The following ADCY10 variants were observed in gnomAD, a reference collection of about 807,000 sequenced individuals.
ADCY10 encodes adenylate cyclase 10.
ADCY10 carries 156 observed loss-of-function variants against 183.3 expected under a neutral mutation model. That is an observed-to-expected ratio of 0.85 (90% CI 0.75 to 0.97). The LOEUF is 0.97. ADCY10 is among the 50% of genes least tolerant of loss of function. The pLI, the probability that ADCY10 is intolerant of heterozygous loss-of-function variation, is 0.00. For synonymous variants in ADCY10, 645 were observed against 670.0 expected, an observed-to-expected ratio of 0.96 and a Z score of 0.58; for missense variants, 1,745 against 1,934.3, an observed-to-expected ratio of 0.90 and a Z score of 1.84.
intron 1 of ADCY10, 35 bp downstream of exon 1, chr1:167,913,941 T>C (rs891164770): frequency 4.6e-5 from 7 of 152,278 alleles, no homozygotes; most frequent in Non-Finnish European, 2.9e-5. Context: ...AGCTCTGCAA[T>C]CAATCTTTCT....
intron 14 of ADCY10, among the ~76,000 whole-genome samples, chr1:167,866,303 C>T (rs1480916835): frequency 2.0e-5 from 3 of 152,090 alleles, no homozygotes; most frequent in Admixed American, 1.3e-4. Flanking sequence ...TCCATTTAGA[C>T]GCAATTGGAG....
At chr1:167,898,353 C>A (rs1669150125) in intron 6 of ADCY10, among the ~76,000 whole-genome samples, 1 of 152,122 alleles carries the variant, frequency 6.6e-6, no homozygotes, top group Non-Finnish European at 1.5e-5. Flanking sequence ...ATAATCCCAG[C>A]ACTTTGGGAG....
chr1:167,852,260 T>C (rs893308008), intron 18 of ADCY10, among the ~76,000 whole-genome samples: 19 of 152,150 alleles, frequency 1.2e-4, no homozygotes, highest in Non-Finnish European at 2.4e-4. Context: ...CTGGCCAACA[T>C]GGCAAAACCC....
At chr1:167,860,795 A>C in intron 15 of ADCY10, 76 bp downstream of exon 15, 1 of 1,248,576 alleles carries the variant, frequency 8.0e-7, no homozygotes, top group East Asian at 2.3e-5. Flanking sequence ...AGAGATGCTA[A>C]GTCACAATGC....
At chr1:167,886,439 A>C (rs1253867758) in intron 8 of ADCY10, among the ~76,000 whole-genome samples, 1 of 152,180 alleles carries the variant, frequency 6.6e-6, no homozygotes, top group Non-Finnish European at 1.5e-5. Flanking sequence ...AAAAGACAAG[A>C]AATAGGGAAA....
chr1:167,870,618 C>A (rs1488976983), intron 13 of ADCY10, among the ~76,000 whole-genome samples: 2 of 146,370 alleles, frequency 1.4e-5, no homozygotes, highest in Non-Finnish European at 3.0e-5. Flanking sequence ...CATGATGAAA[C>A]CCTGCCTCTA....
chr1:167,820,968 A>G (rs1442208130), intron 30 of ADCY10: 1 of 152,212 alleles, frequency 6.6e-6, no homozygotes, highest in African/African-American at 2.4e-5. Flanking sequence ...TTCTATTCCA[A>G]TTTGGAGCTG....
In ADCY10 at chr1:167,848,617, A is replaced by T. The variant is rs1665238418; in HGVS notation, c.2309-128T>A. On this transcript the variant is annotated intron_variant, in intron 18 of 32. Transcript: ENST00000367851. ...GCAGAGATGTATATTGGCTCACCAA[A>T]TATTCTGGAAACCTTTTTTTTGTTT... 3.8e-6 allele frequency: 4 copies of T among 1,044,898 alleles called. No homozygotes were observed. In the South Asian group the frequency reaches 4.2e-5, roughly 11 times the overall value. 64.7% of individuals were successfully genotyped at this position (1,044,898 alleles called of 1,614,324 possible). A position where few individuals can be genotyped will look rare whatever the true frequency, so the allele number is the denominator to read the frequency against.
At chr1:167,910,263 G>T (rs996823920) in intron 1 of ADCY10, among the ~76,000 whole-genome samples, 2 of 152,118 alleles carry the variant, frequency 1.3e-5, no homozygotes, top group African/African-American at 4.8e-5. Flanking sequence ...TAGCTATTTG[G>T]ATGCAATGCA....
At position 167,871,229 on chromosome 1, in the gene ADCY10, C is replaced by T. The variant is rs919914959; in HGVS notation, c.1463-819G>A. Among the ~76,000 whole-genome samples the T allele has an allele frequency of 3.9e-5, 6 of 152,144 alleles. No homozygotes were observed. In the South Asian group the frequency reaches 1.2e-3, roughly 31 times the overall value. The stretch of plus-strand genomic sequence containing the variant: ...TTCTGTGATAAAGGAAATTTGCCCT[C>T]TGTAAATGAAGATTATACTTAATTC... On this transcript the variant is annotated intron_variant, in intron 13 of 32. Transcript: ENST00000367851.
Position 167,824,462 on chromosome 1 carries a change from T to A in ADCY10, c.4052+14A>T, listed in dbSNP as rs754793351. ...TCCTCCCCCTAATTTTGGAAAATGC[T>A]TTAAGATAAATACCTGCTGTTCAGA... On this transcript the variant is annotated intron_variant, in intron 28 of 32. Coordinates refer to ENST00000367851, the MANE Select transcript of ADCY10 (RefSeq NM_018417.6). The A allele has an allele frequency of 1.2e-6, 2 of 1,612,562 alleles. No homozygotes were observed. Among genetic ancestry groups the A allele is most frequent in the Non-Finnish European group, 1.7e-6 (2 of 1,178,748 alleles).
At chr1:167,847,147 G>A (rs1295324232) in intron 19 of ADCY10, among the ~76,000 whole-genome samples, 1 of 151,640 alleles carries the variant, frequency 6.6e-6, no homozygotes, top group Non-Finnish European at 1.5e-5. Context: ...GGCTGGTCTC[G>A]AACTCCTGAC....
chr1:167,889,394 C>G (rs1668453495), intron 8 of ADCY10, among the ~76,000 whole-genome samples: 1 of 146,038 alleles, frequency 6.8e-6, no homozygotes, highest in African/African-American at 2.5e-5. Flanking sequence ...TTGCATATGT[C>G]CAACCACCCT....
intron 18 of ADCY10, among the ~76,000 whole-genome samples, chr1:167,851,039 C>T (rs61806973): frequency 0.11 from 16,376 of 152,112 alleles, 1,109 homozygotes; most frequent in East Asian, 0.26. Flanking sequence ...CTGTTGTCAG[C>T]CTTTGCCCTA....
chr1:167,883,372 T>A (rs1285944386), intron 9 of ADCY10, 65 bp downstream of exon 9: 2 of 1,555,708 alleles, frequency 1.3e-6, no homozygotes, highest in Non-Finnish European at 1.8e-6. Context: ...TTCTCACCAA[T>A]GTGCTTGTCC....
intron 21 of ADCY10, among the ~76,000 whole-genome samples, chr1:167,839,582 T>C (rs1664466412): frequency 6.6e-6 from 1 of 152,344 alleles, no homozygotes; most frequent in Middle Eastern, 3.4e-3. Flanking sequence ...AATTGATATA[T>C]TTCCAATGTG....
Position 167,845,645 on chromosome 1 carries a change from A to G in ADCY10, c.2925T>C (p.Tyr975=). ...DHCRGRDFIP[Y]HHFTVNIRLN... is the part of the protein sequence containing the mutation. ...GCCGAATATTCACTGTGAAGTGATG[A>G]TAGGGAATGAAGTCCCTGCCTCGGC... Residue 975 remains tyrosine (Y), a synonymous_variant, in exon 21 of 33, where the codon TAT becomes TAC. Transcript: ENST00000367851. The G allele has an allele frequency of 6.2e-7, 1 of 1,614,276 alleles. No individual in the cohort carries two copies. Among genetic ancestry groups the G allele is most frequent in the East Asian group, 2.2e-5 (1 of 44,894 alleles).
At position 167,823,097 on chromosome 1, in the gene ADCY10, C is replaced by G; in HGVS notation, c.4079G>C (p.Gly1360Ala). The G allele has an allele frequency of 1.2e-6, 2 of 1,614,090 alleles. No homozygotes were observed. Among genetic ancestry groups the G allele is most frequent in the African/African-American group, 1.3e-5 (1 of 75,012 alleles). ...SRYPQLIQVL[G>A]RLWELSVTQE... ...TGTTACAGAAAGCTCCCACAGCCGCCCCAGCACCTGGATCAATTGCGGGTA... is the reference window on the plus strand; with the variant it reads ...TGTTACAGAAAGCTCCCACAGCCGCGCCAGCACCTGGATCAATTGCGGGTA... The change falls in exon 29 of 33, where the codon GGG becomes GCG. Residue 1360 changes from glycine to alanine, a missense_variant. Physicochemically the swap from Gly to Ala is moderately conservative, Grantham distance 60. Transcript: ENST00000367851.
rs573172981 is a variant in ADCY10 at position 167,832,935 on chromosome 1, C to T, written c.3593+52G>A. The T allele has an allele frequency of 1.9e-6, 3 of 1,589,676 alleles. No homozygotes were observed. In the Admixed American group the frequency reaches 5.0e-5, roughly 27 times the overall value. ...GGGCTGACTTGGATTATGTGTAGGC[C>T]TCTCTGGGGAGTGAGACTAAACAGT... On this transcript the variant is annotated intron_variant, in intron 25 of 32. Coordinates refer to ENST00000367851, the MANE Select transcript of ADCY10 (RefSeq NM_018417.6).
Sources: gnomAD v4.1 joint callset for allele counts (sites outside exome capture counted in the v4.1 genomes callset) on GRCh38, gnomAD v4.1.1 for gene constraint, MANE v1.5 for transcripts, NCBI Gene and HGNC (gene_info 2026-07-23, HGNC 2026-07-21) for gene names.